FIBCD1: variants seen among roughly 807,000 people sequenced by gnomAD.
The protein encoded by FIBCD1 is fibrinogen C domain-containing protein 1.
A neutral mutation model predicts 45.1 loss-of-function variants in FIBCD1; 47 were observed. That is an observed-to-expected ratio of 1.04 (90% CI 0.82 to 1.33). The LOEUF is 1.33. Ranked by LOEUF, FIBCD1 falls within the 40% of genes most tolerant of loss-of-function variation. FIBCD1 has a pLI of 0.00. For synonymous variants in FIBCD1, 313 were observed against 308.1 expected (o/e 1.02, Z -0.17); for missense variants, 653 against 682.2 (o/e 0.96, Z 0.48).
At chr9:130,931,635 C>G (rs191395879) in intron 1 of FIBCD1, among the ~76,000 whole-genome samples, 2 of 152,262 alleles carry the variant, frequency 1.3e-5, no homozygotes, top group Non-Finnish European at 2.9e-5. Flanking sequence ...AGAGCGTGGC[C>G]GCACACGCTC....
At chr9:130,912,410 A>G (rs1019117418) in intron 4 of FIBCD1, among the ~76,000 whole-genome samples, 1 of 148,350 alleles carries the variant, frequency 6.7e-6, no homozygotes, top group African/African-American at 2.5e-5. Flanking sequence ...AAAAAAAAAA[A>G]AAAAAAGTGG....
chr9:130,904,401 G>A lies in FIBCD1; in HGVS notation c.1127-78C>T, dbSNP rs560622503. ...GGTGTTGCATGTGTGAGCAGACACC[G>A]AGACACTGCACGTGCACCTGGACGT... On this transcript the variant is annotated intron_variant, in intron 6 of 6. Coordinates refer to ENST00000372338, the MANE Select transcript of FIBCD1 (RefSeq NM_032843.5). 1.0e-4 allele frequency: 159 copies of A among 1,516,520 alleles called. 1 individual carries two copies. In the African/African-American group the frequency reaches 1.5e-3, roughly 14 times the overall value. The allele number at this position is 1,516,520 out of a possible 1,614,324, so 93.9% of individuals were successfully genotyped here. A position where few individuals can be genotyped will look rare whatever the true frequency, so the allele number is the denominator to read the frequency against.
In FIBCD1 at chr9:130,922,079, A is replaced by G. The variant is rs995349685; in HGVS notation, c.849+1665T>C. Among the ~76,000 whole-genome samples, 39 of 151,126 alleles carry G rather than the reference A, an allele frequency of 2.6e-4. 1 individual carries two copies. Among genetic ancestry groups the G allele is most frequent in the Admixed American group, 2.6e-3 (39 of 15,224 alleles). Reference sequence around the variant, plus strand: ...GCTGCCTGCACCCCTGCCTCCCCCAAAAACTCCCCGCCAAGAGGCTTCCCT... The same window carrying G: ...GCTGCCTGCACCCCTGCCTCCCCCAGAAACTCCCCGCCAAGAGGCTTCCCT... On this transcript the variant is annotated intron_variant, in intron 4 of 6. Coordinates refer to ENST00000372338, the MANE Select transcript of FIBCD1 (RefSeq NM_032843.5). The surrounding 1 kb of genome is among the most constrained non-coding windows in gnomAD (Gnocchi z 4.5).
intron 5 of FIBCD1, among the ~76,000 whole-genome samples, chr9:130,908,438 G>T (rs190874553): frequency 6.6e-6 from 1 of 152,246 alleles, no homozygotes; most frequent in East Asian, 1.9e-4. Context: ...TGGCCCTGCC[G>T]CCTTGTCCTT....
At chr9:130,921,849 A>G (rs1419281615) in intron 4 of FIBCD1, among the ~76,000 whole-genome samples, 1 of 152,234 alleles carries the variant, frequency 6.6e-6, no homozygotes. Flanking sequence ...GTACATTTTT[A>G]AAAGCTCTCC....
intron 1 of FIBCD1, among the ~76,000 whole-genome samples, chr9:130,933,699 T>G (rs1431346888): frequency 1.6e-4 from 2 of 12,246 alleles, no homozygotes; most frequent in South Asian, 2.9e-3. Flanking sequence ...ACCCCAGCCT[T>G]GGGGGTTCTG....
At chr9:130,912,040 GCCC>G (rs1832063598) in intron 4 of FIBCD1, 152 bp from the exon 5 acceptor site, 4 of 649,700 alleles carry the variant, frequency 6.2e-6, no homozygotes, top group Non-Finnish European at 1.1e-5. Context: ...TCCCGCAACG[GCCC>G]CTGGCCAGGG....
chr9:130,933,727 T>TGGGGGGGG (rs1179362614), intron 1 of FIBCD1: 1 of 51,464 alleles, frequency 1.9e-5, no homozygotes, highest in Non-Finnish European at 3.4e-5. Context: ...GGCGGGCGGG[T>TGGGGGGGG]GGGGGGGGGG....
chr9:130,925,498 C>T (rs1178500490), intron 2 of FIBCD1, among the ~76,000 whole-genome samples: 4 of 152,260 alleles, frequency 2.6e-5, no homozygotes, highest in African/African-American at 4.8e-5. Flanking sequence ...GAACAGTGTC[C>T]GAATCTCTCC....
chr9:130,917,395 A>G (rs1009508780), intron 4 of FIBCD1, among the ~76,000 whole-genome samples: 10 of 152,224 alleles, frequency 6.6e-5, no homozygotes, highest in Admixed American at 3.9e-4. Context: ...CTGGGCCCAC[A>G]TGGTCCTGCA....
chr9:130,913,522 C>T (rs1216252277), intron 4 of FIBCD1, among the ~76,000 whole-genome samples: 1 of 152,238 alleles, frequency 6.6e-6, no homozygotes, highest in Admixed American at 6.5e-5. Flanking sequence ...TTGGGCAGCT[C>T]TGACGTCAGG....
At chr9:130,936,444 A>G (rs1374808152) in intron 1 of FIBCD1, 1 of 152,288 alleles carries the variant, frequency 6.6e-6, no homozygotes, top group Middle Eastern at 3.2e-3. Flanking sequence ...GGGGAGGGGA[A>G]GCGGGTGCTT....
intron 5 of FIBCD1, among the ~76,000 whole-genome samples, chr9:130,906,681 G>A (rs1240814559): frequency 6.6e-6 from 1 of 152,208 alleles, no homozygotes; most frequent in African/African-American, 2.4e-5. Context: ...GCTGATGTGA[G>A]GGGCCAGGAG....
At chr9:130,916,252 A>G (rs1832159395) in intron 4 of FIBCD1, among the ~76,000 whole-genome samples, 1 of 152,238 alleles carries the variant, frequency 6.6e-6, no homozygotes, top group African/African-American at 2.4e-5. Context: ...ATTTTCTATC[A>G]TGTTCTATTC....
intron 5 of FIBCD1, among the ~76,000 whole-genome samples, chr9:130,910,162 C>T (rs146189473): frequency 0.011 from 1,639 of 152,320 alleles, 17 homozygotes; most frequent in Middle Eastern, 0.017. Context: ...GCGGCGCTTG[C>T]GGGCCAGCTG....
At chr9:130,908,381 G>C (rs986240478) in intron 5 of FIBCD1, among the ~76,000 whole-genome samples, 5 of 152,180 alleles carry the variant, frequency 3.3e-5, no homozygotes, top group African/African-American at 1.2e-4. Context: ...CCATGAGCAC[G>C]GGCATCACCG....
intron 5 of FIBCD1, 67 bp from the exon 6 acceptor site, chr9:130,905,480 G>A (rs901567007): frequency 6.7e-7 from 1 of 1,488,022 alleles, no homozygotes. Flanking sequence ...AGGGAGAAAT[G>A]ATAAATGACA....
At chr9:130,932,842 C>G (rs911109685) in intron 1 of FIBCD1, among the ~76,000 whole-genome samples, 1 of 152,268 alleles carries the variant, frequency 6.6e-6, no homozygotes, top group Admixed American at 6.5e-5. Context: ...ATACAAAGCT[C>G]TGTGTCAGCA....
chr9:130,925,522 C>T (rs1832343759), intron 2 of FIBCD1, among the ~76,000 whole-genome samples: 1 of 152,188 alleles, frequency 6.6e-6, no homozygotes. Context: ...TCTCCATTTC[C>T]TTGTAACCCA....
Sources: gnomAD v4.1 joint callset for allele counts (sites outside exome capture counted in the v4.1 genomes callset) on GRCh38, gnomAD v4.1.1 for gene constraint, Gnocchi (gnomAD v3.1) non-coding constraint, MANE v1.5 for transcripts, NCBI Gene and HGNC (gene_info 2026-07-23, HGNC 2026-07-21) for gene names.